Variants in KCNT1 observed in about 807,000 individuals in gnomAD.
KCNT1 encodes the protein potassium channel subfamily T member 1.
In KCNT1, 78 loss-of-function variants were observed where a neutral mutation model predicts 147.8. The observed-to-expected ratio is 0.53, with a 90% CI of 0.44 to 0.64. KCNT1 has a LOEUF of 0.64. Ranked by LOEUF, KCNT1 falls within the 30% of genes least tolerant of loss-of-function variation. KCNT1 has a pLI of 0.00. For synonymous variants in KCNT1, 867 were observed against 748.8 expected (o/e 1.16, Z -2.58); for missense variants, 1,419 against 1,750.3 (o/e 0.81, Z 3.38).
Position 135,772,828 on chromosome 9 carries a change from C to G in KCNT1, c.2122C>G (p.Pro708Ala), listed in dbSNP as rs892635002. The G allele has an allele frequency of 6.5e-7, 1 of 1,530,480 alleles. No homozygotes were observed. The highest frequency in any genetic ancestry group is 1.4e-5 in the African/African-American group (1 of 72,422). The allele number at this position is 1,530,480 out of a possible 1,614,324, so 94.8% of individuals were successfully genotyped here. A position where few individuals can be genotyped will look rare whatever the true frequency, so the allele number is the denominator to read the frequency against. The change falls in exon 19 of 31, where the codon CCC becomes GCC. Residue 708 changes from proline (P) to alanine (A), a missense_variant. Coordinates refer to ENST00000371757, the MANE Select transcript of KCNT1 (RefSeq NM_020822.3). Reference sequence around the variant, plus strand: ...GGAGAACGGCTCGGGCAGCCGGCGGCCCAGCATCGCGCCCGTCCTGGAACT... The same window carrying G: ...GGAGAACGGCTCGGGCAGCCGGCGGGCCAGCATCGCGCCCGTCCTGGAACT... The part of the protein sequence containing the change: ...PTENGSGSRR[P>A]SIAPVLELAD...
intron 1 of KCNT1, among the ~76,000 whole-genome samples, chr9:135,707,035 G>A (rs754624191): frequency 1.3e-5 from 2 of 151,846 alleles, no homozygotes; most frequent in African/African-American, 2.4e-5. Context: ...CTGTGATCTC[G>A]GTGCTTTTGG....
chr9:135,762,044 C>T (rs558157315), intron 11 of KCNT1, among the ~76,000 whole-genome samples: 1 of 152,392 alleles, frequency 6.6e-6, no homozygotes, highest in Non-Finnish European at 1.5e-5. Context: ...GTGCAGCAGG[C>T]CTGTTCCATG....
At chr9:135,723,508 G>A (rs527824789) in intron 2 of KCNT1, among the ~76,000 whole-genome samples, 264 of 152,308 alleles carry the variant, frequency 1.7e-3, no homozygotes, top group Non-Finnish European at 2.7e-3. Context: ...TGTGCACCAC[G>A]TGAGCGTGTG....
At chr9:135,789,838 C>G (rs982697810) in intron 29 of KCNT1, 3 of 152,476 alleles carry the variant, frequency 2.0e-5, no homozygotes, top group African/African-American at 7.2e-5. Context: ...CCTGCCCCAC[C>G]CCAGGCCCTC....
intron 2 of KCNT1, among the ~76,000 whole-genome samples, chr9:135,747,124 G>A (rs767112285): frequency 2.6e-5 from 4 of 152,068 alleles, no homozygotes; most frequent in Non-Finnish European, 5.9e-5. Flanking sequence ...GCAAGCCCTG[G>A]GGTCCCCCAA....
chr9:135,720,072 C>T (rs562839990), intron 2 of KCNT1, among the ~76,000 whole-genome samples: 3 of 152,236 alleles, frequency 2.0e-5, no homozygotes, highest in South Asian at 2.1e-4. Context: ...GGACCCCTGC[C>T]GGCCCCACAG....
chr9:135,786,654 C>T (rs1834077852), intron 29 of KCNT1, 133 bp downstream of exon 29: 3 of 896,148 alleles, frequency 3.3e-6, no homozygotes, highest in South Asian at 1.9e-5. Context: ...GTCTGTCAGC[C>T]TTTCTGGCCA....
intron 11 of KCNT1, among the ~76,000 whole-genome samples, chr9:135,762,777 G>A (rs1050679915): frequency 6.6e-6 from 1 of 152,170 alleles, no homozygotes; most frequent in South Asian, 2.1e-4. Context: ...AACAAGACAA[G>A]GTGACTCCAG....
chr9:135,779,828 T>C (rs1238302775), intron 24 of KCNT1, among the ~76,000 whole-genome samples: 1 of 152,230 alleles, frequency 6.6e-6, no homozygotes, highest in Non-Finnish European at 1.5e-5. Flanking sequence ...AGATCGGTGG[T>C]TCCACATAGG....
chr9:135,750,713 C>T, intron 3 of KCNT1: 3 of 584,646 alleles, frequency 5.1e-6, no homozygotes, highest in Non-Finnish European at 6.1e-6. Context: ...CCCTGCACCC[C>T]AAGTTCAGGC....
At chr9:135,776,189 G>A (rs767662867) in intron 20 of KCNT1, among the ~76,000 whole-genome samples, 3 of 152,106 alleles carry the variant, frequency 2.0e-5, no homozygotes, top group African/African-American at 2.4e-5. Flanking sequence ...GGGACGTGTT[G>A]AGATCAGGAA....
chr9:135,711,291 G>A (rs1588250829), intron 1 of KCNT1, among the ~76,000 whole-genome samples: 3 of 152,184 alleles, frequency 2.0e-5, no homozygotes, highest in South Asian at 2.1e-4. Context: ...CATGGCCACC[G>A]GGAACAGATG....
rs538250872 is a variant in KCNT1 at position 135,726,009 on chromosome 9, G to A, written c.254+11289G>A. 1.1e-4 allele frequency among the ~76,000 whole-genome samples: 17 copies of A among 152,260 alleles called. No homozygotes were observed. The South Asian group carries it at 3.3e-3, about 30-fold the overall frequency. On this transcript the variant is annotated intron_variant, in intron 2 of 30. Transcript: ENST00000371757. ...CCACCCAGGAGCCATGGCTGTGGGGGCTCGGAGTGGCCACCCCACCCAGGA... is the reference window on the plus strand; with the variant it reads ...CCACCCAGGAGCCATGGCTGTGGGGACTCGGAGTGGCCACCCCACCCAGGA...
chr9:135,751,065 G>C (rs541474702), intron 4 of KCNT1, 24 bp downstream of exon 4: 2 of 1,597,146 alleles, frequency 1.3e-6, no homozygotes, highest in Non-Finnish European at 1.7e-6. Context: ...GCGGCCGGGC[G>C]CGGGGTCCCG....
rs1836119023 is a variant in KCNT1 at position 135,725,898 on chromosome 9, G to A, written c.254+11178G>A. 2.0e-5 allele frequency among the ~76,000 whole-genome samples: 3 copies of A among 152,148 alleles called. No homozygotes were observed. The South Asian group carries it at 6.2e-4, about 31-fold the overall frequency. On this transcript the variant is annotated intron_variant, in intron 2 of 30. Coordinates refer to ENST00000371757, the MANE Select transcript of KCNT1 (RefSeq NM_020822.3). Reference sequence around the variant, plus strand: ...AAGAGGCCCCCTCCCACCCGCCCTGGGAGCCCAGGTCTGGCAGGAGGAACC... The same window carrying A: ...AAGAGGCCCCCTCCCACCCGCCCTGAGAGCCCAGGTCTGGCAGGAGGAACC...
Position 135,771,248 on chromosome 9 carries a change from G to A in KCNT1, c.2008+153G>A, listed in dbSNP as rs1282109857. On this transcript the variant is annotated intron_variant, in intron 18 of 30. Coordinates refer to ENST00000371757, the MANE Select transcript of KCNT1 (RefSeq NM_020822.3). ...AGGAGACCAGGCAGGACAGGGGCAG[G>A]TGACCAGGTGGGACGGGAGACCAGG... 1.2e-5 allele frequency: 8 copies of A among 692,846 alleles called. No individual in the cohort carries two copies. In the East Asian group the frequency reaches 1.6e-4, roughly 14 times the overall value. The allele number at this position is 692,846 out of a possible 1,614,324, so 42.9% of individuals were successfully genotyped here.
intron 2 of KCNT1, among the ~76,000 whole-genome samples, chr9:135,727,151 TC>T (rs139596002): frequency 4.7e-4 from 3 of 6,392 alleles, no homozygotes; most frequent in Non-Finnish European, 9.2e-4. Flanking sequence ...TCTTCCTCTC[TC>T]CCCCCCTCCC....
At chr9:135,766,051 C>T (rs1047876384) in intron 13 of KCNT1, among the ~76,000 whole-genome samples, 4 of 147,216 alleles carry the variant, frequency 2.7e-5, no homozygotes, top group African/African-American at 1.0e-4. Context: ...AAGGGTGGAC[C>T]ATCCAGGGTG....
chr9:135,780,945 C>G (rs1379515870), intron 24 of KCNT1, among the ~76,000 whole-genome samples: 2 of 152,206 alleles, frequency 1.3e-5, no homozygotes, highest in African/African-American at 4.8e-5. Flanking sequence ...CTCAGCCTTG[C>G]ACCTCTCTGT....
Sources: gnomAD v4.1 joint callset for allele counts (sites outside exome capture counted in the v4.1 genomes callset) on GRCh38, gnomAD v4.1.1 for gene constraint, MANE v1.5 for transcripts, NCBI Gene and HGNC (gene_info 2026-07-23, HGNC 2026-07-21) for gene names.